The following KIF21A variants were observed in gnomAD, a reference collection of about 807,000 sequenced individuals.
The protein encoded by KIF21A is kinesin-like protein KIF21A.
In KIF21A, 114 loss-of-function variants were observed where a neutral mutation model predicts 202.9. The ratio of observed to expected loss-of-function variants is 0.56; its 90% CI spans 0.48 to 0.66. The LOEUF is 0.66. Among genes scored for constraint, KIF21A ranks in the 30% least tolerant of loss-of-function variants. KIF21A has a pLI of 0.00. For missense variants in KIF21A, 1,677 were observed against 1,994.9 expected (o/e 0.84, Z 3.04); for synonymous variants, 667 against 670.8 (o/e 0.99, Z 0.09).
chr12:39,429,563 T>A (rs903347963), intron 1 of KIF21A, among the ~76,000 whole-genome samples: 3 of 152,216 alleles, frequency 2.0e-5, no homozygotes, highest in African/African-American at 7.2e-5. Context: ...TAGTCCCAAC[T>A]AACATTTCAG....
intron 26 of KIF21A, among the ~76,000 whole-genome samples, chr12:39,323,193 A>C (rs978721477): frequency 2.6e-5 from 4 of 152,160 alleles, no homozygotes; most frequent in African/African-American, 9.7e-5. Context: ...TGAGGCAAAA[A>C]AGCTAAGTAA....
rs971720960 is a variant in KIF21A at position 39,355,615 on chromosome 12, C to T, written c.1469+1217G>A. ...TAGGCAGGGAACAGTACTCTCAACA[C>T]GGGGTAGAAACTGCAAGTCCAGGTT... is the stretch of plus-strand genomic sequence containing the variant. On this transcript the variant is annotated intron_variant, in intron 10 of 37. Coordinates refer to ENST00000361418, the MANE Select transcript of KIF21A (RefSeq NM_001173464.2). Among the ~76,000 whole-genome samples the T allele has an allele frequency of 5.3e-5, 8 of 150,596 alleles. No individual in the cohort carries two copies. The East Asian group carries it at 5.9e-4, about 11-fold the overall frequency.
intron 7 of KIF21A, among the ~76,000 whole-genome samples, chr12:39,361,556 C>G (rs1194374300): frequency 1.5e-5 from 2 of 130,926 alleles, no homozygotes; most frequent in East Asian, 4.7e-4. Flanking sequence ...GAGTCTCGCT[C>G]TGTCTCCCAG....
At chr12:39,366,880 C>G (rs1436492715) in intron 5 of KIF21A, 150 bp downstream of exon 5, 5 of 802,196 alleles carry the variant, frequency 6.2e-6, no homozygotes, top group Non-Finnish European at 6.1e-6. Context: ...ACATGGCTGA[C>G]CAGCTTCAAC....
At chr12:39,361,067 G>A (rs1718182633) in intron 7 of KIF21A, among the ~76,000 whole-genome samples, 1 of 152,192 alleles carries the variant, frequency 6.6e-6, no homozygotes, top group South Asian at 2.1e-4. Flanking sequence ...AAGGAAATAG[G>A]TGAGGAACAT....
In KIF21A at chr12:39,332,270, T is replaced by A; in HGVS notation, c.2995A>T (p.Ile999Phe). The change falls in exon 21 of 38, where the codon ATC (isoleucine) becomes TTC (phenylalanine). Residue 999 changes from isoleucine to phenylalanine, a missense_variant. Physicochemically the swap from Ile to Phe is conservative, Grantham distance 21 (BLOSUM62 0). Coordinates refer to ENST00000361418, the MANE Select transcript of KIF21A (RefSeq NM_001173464.2). ...TGACAATCAGAAATACTGTCATTGA[T>A]GTAATCGATATTAGCAGTCAGTGAC... The part of the protein sequence containing the change: ...MESLTANIDY[I>F]NDSISDCQAN... The A allele has an allele frequency of 6.2e-7, 1 of 1,613,974 alleles. No homozygotes were observed. Among genetic ancestry groups the A allele is most frequent in the Non-Finnish European group, 8.5e-7 (1 of 1,179,926 alleles).
rs952973809 is a variant in KIF21A at position 39,325,855 on chromosome 12, A to G, written c.3440T>C (p.Val1147Ala). 4 of 1,611,702 alleles carry G rather than the reference A, an allele frequency of 2.5e-6. No individual in the cohort carries two copies. Among genetic ancestry groups the G allele is most frequent in the Non-Finnish European group, 3.4e-6 (4 of 1,178,084 alleles). ...SSDLMKLCGE[V>A]KPKNKARRRT... Reference sequence around the variant, plus strand: ...TCTCCTTACCTTGTTCTTAGGTTTCACTTCACCACAAAGCTTCATGAGATC... The same window carrying G: ...TCTCCTTACCTTGTTCTTAGGTTTCGCTTCACCACAAAGCTTCATGAGATC... Residue 1147 changes from valine (V) to alanine (A), a missense_variant, in exon 26 of 38, where the codon GTG (valine) becomes GCG (alanine). Physicochemically the swap from Val to Ala is moderately conservative, Grantham distance 64. Coordinates refer to ENST00000361418, the MANE Select transcript of KIF21A (RefSeq NM_001173464.2).
chr12:39,295,698 T>G (rs1485082260), intron 37 of KIF21A, among the ~76,000 whole-genome samples: 1 of 140,144 alleles, frequency 7.1e-6, no homozygotes, highest in African/African-American at 2.7e-5. Context: ...ATATGTTTTT[T>G]TTTTTTTTTT....
At chr12:39,386,431 C>T (rs961895202) in intron 1 of KIF21A, among the ~76,000 whole-genome samples, 2 of 152,152 alleles carry the variant, frequency 1.3e-5, no homozygotes, top group African/African-American at 4.8e-5. Flanking sequence ...GAAATGTAAA[C>T]TTCTTTTCTA....
chr12:39,388,642 T>G (rs903255303), intron 1 of KIF21A, among the ~76,000 whole-genome samples: 1 of 152,176 alleles, frequency 6.6e-6, no homozygotes, highest in Non-Finnish European at 1.5e-5. Context: ...ACACACCTAT[T>G]GTTTTGGATC....
At position 39,318,110 on chromosome 12, in the gene KIF21A, T is replaced by C; in HGVS notation, c.3871A>G (p.Thr1291Ala). The change falls in exon 29 of 38, where the codon ACT (threonine) becomes GCT (alanine). Residue 1291 changes from threonine (T) to alanine (A), a missense_variant. Coordinates refer to ENST00000361418, the MANE Select transcript of KIF21A (RefSeq NM_001173464.2). ...RNELNVFNRL[T>A]VSQGNTSVQQ... is the part of the protein sequence containing the mutation. ...ACTGATGTGTTTCCCTGAGAAACAG[T>C]AAGACGATTAAAAACATTCAGTTCA... 6.2e-7 allele frequency: 1 copy of C among 1,613,350 alleles called. No homozygotes were observed. The highest frequency in any genetic ancestry group is 1.1e-5 in the South Asian group (1 of 91,084).
At chr12:39,309,350 C>T (rs758255176) in intron 33 of KIF21A, among the ~76,000 whole-genome samples, 4 of 151,884 alleles carry the variant, frequency 2.6e-5, no homozygotes, top group Non-Finnish European at 5.9e-5. Context: ...ACTTAGTCAC[C>T]GATCAAATAT....
chr12:39,342,152 G>A (rs760136220), intron 12 of KIF21A, 28 bp from the exon 13 acceptor site: 5 of 1,453,414 alleles, frequency 3.4e-6, no homozygotes, highest in South Asian at 1.1e-5. Flanking sequence ...AGGGTATGGT[G>A]TTAAAATAGA....
chr12:39,320,885 A>G (rs1006734736), intron 27 of KIF21A, among the ~76,000 whole-genome samples: 7 of 147,698 alleles, frequency 4.7e-5, no homozygotes, highest in Non-Finnish European at 7.4e-5. Context: ...CAGTGAGCCA[A>G]GATCACATCA....
intron 29 of KIF21A, among the ~76,000 whole-genome samples, chr12:39,316,541 T>A (rs1167249975): frequency 6.6e-6 from 1 of 152,206 alleles, no homozygotes; most frequent in Non-Finnish European, 1.5e-5. Context: ...GGTACTTTAG[T>A]GGGCTTTTAG....
chr12:39,376,835 A>G (rs948528498), intron 1 of KIF21A, among the ~76,000 whole-genome samples: 8 of 152,124 alleles, frequency 5.3e-5, no homozygotes, highest in African/African-American at 1.4e-4. Flanking sequence ...AAAACATCAC[A>G]AGGGATAAGC....
Position 39,331,759 on chromosome 12 carries a change from G to C in KIF21A, c.3084C>G (p.Val1028=). The change falls in exon 22 of 38, where the codon GTC becomes GTG. Residue 1028 remains valine, a synonymous_variant. Coordinates refer to ENST00000361418, the MANE Select transcript of KIF21A (RefSeq NM_001173464.2). ...EEGETLDVTA[V]INACTLTEAR... ...CTTCTGTAAGGGTGCAGGCATTAAT[G>C]ACTGCAGTAACATCCAATGTCTCAC... 1.9e-6 allele frequency: 3 copies of C among 1,613,284 alleles called. No homozygotes were observed. The highest frequency in any genetic ancestry group is 2.5e-6 in the Non-Finnish European group (3 of 1,179,360).
intron 10 of KIF21A, among the ~76,000 whole-genome samples, chr12:39,352,767 T>G (rs1948491180): frequency 6.6e-6 from 1 of 152,104 alleles, no homozygotes; most frequent in South Asian, 2.1e-4. Flanking sequence ...AGTTTGATAA[T>G]TGAAAAAATT....
chr12:39,341,154 C>T, intron 14 of KIF21A, 60 bp from the exon 15 acceptor site: 2 of 1,280,398 alleles, frequency 1.6e-6, no homozygotes, highest in East Asian at 2.5e-5. Context: ...AGAATTCTAG[C>T]TTTCAAGCAG....
Sources: allele counts gnomAD v4.1 joint callset (sites outside exome capture counted in the v4.1 genomes callset), GRCh38; gene constraint gnomAD v4.1.1; transcripts MANE v1.5; gene names NCBI Gene and HGNC (gene_info 2026-07-23, HGNC 2026-07-21).